VPS13B: variants seen among roughly 807,000 people sequenced by gnomAD.
VPS13B encodes the protein intermembrane lipid transfer protein VPS13B.
VPS13B carries 285 observed loss-of-function variants against 426.4 expected under a neutral mutation model. The observed-to-expected ratio is 0.67, with a 90% CI of 0.61 to 0.74. The LOEUF (loss-of-function observed/expected upper bound fraction) is 0.74. Ranked by LOEUF, VPS13B falls within the 30% of genes least tolerant of loss-of-function variation. The probability of loss-of-function intolerance (pLI) is 0.00; values close to 1 mark genes in which losing one functional copy is unlikely to be tolerated. For synonymous variants in VPS13B, 1,676 were observed against 1,676.4 expected, an observed-to-expected ratio of 1.00 and a Z score of 0.01; for missense variants, 4,537 against 4,782.6, an observed-to-expected ratio of 0.95 and a Z score of 1.51.
intron 17 of VPS13B, among the ~76,000 whole-genome samples, chr8:99,252,532 A>C (rs902904557): frequency 6.6e-6 from 1 of 152,034 alleles, no homozygotes; most frequent in Non-Finnish European, 1.5e-5. Context: ...CTGTTCTATA[A>C]TCTAGAAACA....
At chr8:99,475,466 A>C (rs1442653857) in intron 24 of VPS13B, among the ~76,000 whole-genome samples, 2 of 152,228 alleles carry the variant, frequency 1.3e-5, no homozygotes, top group African/African-American at 2.4e-5. Flanking sequence ...TAGCTGTCCT[A>C]GCTAACACAA....
At chr8:99,124,315 G>C (rs1158100659) in intron 8 of VPS13B, among the ~76,000 whole-genome samples, 1 of 152,206 alleles carries the variant, frequency 6.6e-6, no homozygotes, top group African/African-American at 2.4e-5. Context: ...TGGGAAGACT[G>C]GTAGAAATGT....
chr8:99,262,464 G>A (rs1457075700), intron 17 of VPS13B, among the ~76,000 whole-genome samples: 1 of 151,844 alleles, frequency 6.6e-6, no homozygotes, highest in Non-Finnish European at 1.5e-5. Flanking sequence ...AGCTTTCTTG[G>A]TACACCTGTC....
chr8:99,129,142 A>G lies in VPS13B; in HGVS notation c.1207-5490A>G, dbSNP rs929741203. ...AAAGTTTGGGCAAAAATTATAATGC[A>G]TATATTAGCTGTACTATTTTAACAT... On this transcript the variant is annotated intron_variant, in intron 8 of 61. Transcript: ENST00000357162. Among the ~76,000 whole-genome samples the G allele has an allele frequency of 5.9e-5, 9 of 152,274 alleles. No individual in the cohort carries two copies. The South Asian group carries it at 6.2e-4, about 11-fold the overall frequency.
chr8:99,083,806 C>T (rs560640402), intron 3 of VPS13B, among the ~76,000 whole-genome samples: 1,936 of 133,806 alleles, frequency 0.014, 45 homozygotes, highest in African/African-American at 0.052. Context: ...AGGGATGAAG[C>T]CAACTTCATC....
chr8:99,583,090 G>T lies in VPS13B; in HGVS notation c.5220+5457G>T, dbSNP rs1346859848. On this transcript the variant is annotated intron_variant, in intron 33 of 61. Coordinates refer to ENST00000357162, the MANE Select transcript of VPS13B (RefSeq NM_152564.5). ...AATTTTTCACACTGTAAAACTTATCGAATAGCATCACCTCTGCTTTTCCCC... is the reference window on the plus strand; with the variant it reads ...AATTTTTCACACTGTAAAACTTATCTAATAGCATCACCTCTGCTTTTCCCC... Among the ~76,000 whole-genome samples the T allele has an allele frequency of 2.6e-5, 4 of 151,990 alleles. No individual in the cohort carries two copies. In the South Asian group the frequency reaches 6.2e-4, roughly 24 times the overall value.
intron 19 of VPS13B, among the ~76,000 whole-genome samples, chr8:99,372,449 C>CTTAAT (rs1385198077): frequency 6.6e-6 from 1 of 152,092 alleles, no homozygotes; most frequent in African/African-American, 2.4e-5. Context: ...CTACAAGGAA[C>CTTAAT]TTAAACACAT....
intron 8 of VPS13B, among the ~76,000 whole-genome samples, chr8:99,124,891 A>AAAG (rs1848123823): frequency 6.6e-6 from 1 of 151,430 alleles, no homozygotes; most frequent in African/African-American, 2.4e-5. Context: ...TCAAAAAAAA[A>AAAG]AAAAAAAAAA....
chr8:99,384,843 C>A (rs1426765383), intron 20 of VPS13B, among the ~76,000 whole-genome samples: 5 of 152,160 alleles, frequency 3.3e-5, no homozygotes, highest in Admixed American at 6.6e-5. Flanking sequence ...CCATGCCCAG[C>A]TAATTTTTGT....
chr8:99,769,146 G>A (rs1031864495), intron 40 of VPS13B, among the ~76,000 whole-genome samples: 2 of 152,158 alleles, frequency 1.3e-5, no homozygotes, highest in Admixed American at 6.5e-5. Context: ...ATCTGACATT[G>A]TAGTCACAGA....
intron 19 of VPS13B, among the ~76,000 whole-genome samples, chr8:99,345,082 TCTC>T: frequency 6.6e-6 from 1 of 152,306 alleles, no homozygotes; most frequent in South Asian, 2.1e-4. Context: ...GATAGCTAGT[TCTC>T]CTTGTACAAT....
chr8:99,311,006 C>T lies in VPS13B; in HGVS notation c.2824+35752C>T, dbSNP rs183781345. Among the ~76,000 whole-genome samples, 67 of 152,184 alleles carry T rather than the reference C, an allele frequency of 4.4e-4. No individual in the cohort carries two copies. The South Asian group carries it at 8.3e-3, about 19-fold the overall frequency. On this transcript the variant is annotated intron_variant, in intron 19 of 61. Transcript: ENST00000357162. The stretch of plus-strand genomic sequence containing the variant: ...ATGGTAGTTTGTATTTCTGTGGGAT[C>T]GGTGGTGATATCCCCTTTATCATTT...
intron 19 of VPS13B, among the ~76,000 whole-genome samples, chr8:99,383,880 G>A (rs1048085305): frequency 2.6e-5 from 4 of 152,066 alleles, no homozygotes; most frequent in African/African-American, 7.2e-5. Context: ...AATTTATATT[G>A]ATTTCACTTT....
chr8:99,193,668 T>G (rs2132730496), intron 17 of VPS13B, among the ~76,000 whole-genome samples: 1 of 152,314 alleles, frequency 6.6e-6, no homozygotes, highest in Middle Eastern at 3.4e-3. Flanking sequence ...TTTTAAAGGT[T>G]ATAATTTAAG....
intron 31 of VPS13B, 84 bp from the exon 32 acceptor site, chr8:99,575,574 G>A (rs1825738177): frequency 3.3e-6 from 5 of 1,536,944 alleles, no homozygotes; most frequent in African/African-American, 1.4e-5. Flanking sequence ...ATACATGTTT[G>A]TAGTACAAAG....
At chr8:99,360,170 CTTTCTTTCTTTCTTTCTT>C (rs1430901249) in intron 19 of VPS13B, among the ~76,000 whole-genome samples, 20 of 37,422 alleles carry the variant, frequency 5.3e-4, no homozygotes, top group South Asian at 4.6e-3. Flanking sequence ...TTCTTTCTTT[CTTTCTTTCTTTCTTTCTT>C]TCTCTCTCTC....
chr8:99,015,937 G>A (rs1423181176), intron 2 of VPS13B, among the ~76,000 whole-genome samples: 1 of 152,130 alleles, frequency 6.6e-6, no homozygotes, highest in African/African-American at 2.4e-5. Context: ...CCTAAAAGAG[G>A]CGACTGGTAA....
chr8:99,792,516 A>C (rs1202985919), intron 43 of VPS13B, among the ~76,000 whole-genome samples: 2 of 152,152 alleles, frequency 1.3e-5, no homozygotes, highest in Non-Finnish European at 2.9e-5. Flanking sequence ...CCCTTTTGTA[A>C]GGAGAGAGAG....
chr8:99,818,672 A>G, intron 46 of VPS13B, 41 bp from the exon 47 acceptor site: 2 of 1,612,274 alleles, frequency 1.2e-6, no homozygotes. Flanking sequence ...ATACTGCAAC[A>G]AAGCAAATAT....
Sources: allele counts gnomAD v4.1 joint callset (sites outside exome capture counted in the v4.1 genomes callset), GRCh38; gene constraint gnomAD v4.1.1; transcripts MANE v1.5; gene names NCBI Gene and HGNC (gene_info 2026-07-23, HGNC 2026-07-21).